SCLY: variants seen among roughly 807,000 people sequenced by gnomAD.
The protein encoded by SCLY is selenocysteine lyase, also known as putative selenocysteine lyase.
SCLY carries 38 observed loss-of-function variants against 50.1 expected under a neutral mutation model. The observed-to-expected ratio is 0.76, with a 90% CI of 0.59 to 0.99. The LOEUF is 0.99. Among genes scored for constraint, SCLY ranks in the 50% least tolerant of loss-of-function variants. SCLY has a pLI of 0.00. For missense variants in SCLY, 600 were observed against 620.0 expected, an observed-to-expected ratio of 0.97 and a Z score of 0.34; for synonymous variants, 243 against 249.4, an observed-to-expected ratio of 0.97 and a Z score of 0.24.
chr2:238,081,851 G>T lies in SCLY; in HGVS notation c.612+15G>T. 1 of 1,612,250 alleles carries T rather than the reference G, an allele frequency of 6.2e-7. No homozygotes were observed. ...GCATTGTCATGGTGAGTCGGCCTTTGTTTCTCTTTAAGGAGAGCTCATGGG... is the reference window on the plus strand; with the variant it reads ...GCATTGTCATGGTGAGTCGGCCTTTTTTTCTCTTTAAGGAGAGCTCATGGG... On this transcript the variant is annotated intron_variant, in intron 5 of 11. Coordinates refer to ENST00000254663, the MANE Select transcript of SCLY (RefSeq NM_016510.7).
rs116634088 is a variant in SCLY at position 238,069,878 on chromosome 2, G to T, written c.484+401G>T. The T allele has an allele frequency of 8.4e-3, 1,333 of 158,084 alleles. 12 individuals are homozygous for T. Among genetic ancestry groups the T allele is most frequent in the African/African-American group, 0.03 (1,255 of 41,774 alleles). 9.8% of individuals were successfully genotyped at this position (158,084 alleles called of 1,614,324 possible). On this transcript the variant is annotated intron_variant, in intron 4 of 11. Coordinates refer to ENST00000254663, the MANE Select transcript of SCLY (RefSeq NM_016510.7). The surrounding 1 kb of genome is among the most constrained non-coding windows in gnomAD (Gnocchi z 5.0). ...AGGCAAATGATGCTTGTCATTATTT[G>T]GTTTTCATCATAAAATCTCAGCTCC... is the stretch of plus-strand genomic sequence containing the variant.
chr2:238,094,411 T>C lies in SCLY; in HGVS notation c.1006-9T>C. ...AGCTGTCACCAAATATTTCACTTAT[T>C]TTTTTCAGGCTGAATTCGGTCAGAA... On this transcript the variant is annotated splice_polypyrimidine_tract_variant and intron_variant, in intron 9 of 11. Transcript: ENST00000254663. 1 of 1,610,932 alleles carries C rather than the reference T, an allele frequency of 6.2e-7. No individual in the cohort carries two copies. Among genetic ancestry groups the C allele is most frequent in the Non-Finnish European group, 8.5e-7 (1 of 1,178,280 alleles).
chr2:238,070,650 T>C (rs2065118945), intron 4 of SCLY, among the ~76,000 whole-genome samples: 1 of 152,120 alleles, frequency 6.6e-6, no homozygotes, highest in South Asian at 2.1e-4. Flanking sequence ...TACTCCAGCC[T>C]GGGAGACAGC....
At chr2:238,089,239 G>A (rs2065334736) in intron 7 of SCLY, among the ~76,000 whole-genome samples, 1 of 152,098 alleles carries the variant, frequency 6.6e-6, no homozygotes, top group African/African-American at 2.4e-5. Flanking sequence ...ATATAATGTG[G>A]ATGAGAAGAA....
rs542013117 is a variant in SCLY at position 238,066,384 on chromosome 2, G to A, written c.203-1681G>A. ...TTTTGACTTTGTGGACCTCCTGAGA[G>A]GGCCTTGGGGTTTTGGAAACCGCTG... On this transcript the variant is annotated intron_variant, in intron 2 of 11. Coordinates refer to ENST00000254663, the MANE Select transcript of SCLY (RefSeq NM_016510.7). The surrounding 1 kb of genome is among the most constrained non-coding windows in gnomAD (Gnocchi z 4.1). Among the ~76,000 whole-genome samples the A allele has an allele frequency of 4.6e-5, 7 of 151,044 alleles. No homozygotes were observed. Among genetic ancestry groups the A allele is most frequent in the African/African-American group, 1.7e-4 (7 of 40,362 alleles).
At chr2:238,084,590 CAAAAAAAAA>C (rs539648649) in intron 7 of SCLY, among the ~76,000 whole-genome samples, 1 of 44,692 alleles carries the variant, frequency 2.2e-5, no homozygotes, top group Non-Finnish European at 3.7e-5. Flanking sequence ...GACTCTGTCT[CAAAAAAAAA>C]AAAAAAAAAA....
intron 4 of SCLY, among the ~76,000 whole-genome samples, chr2:238,072,356 A>AGT (rs2065136059): frequency 6.6e-6 from 1 of 152,096 alleles, no homozygotes; most frequent in Non-Finnish European, 1.5e-5. Flanking sequence ...CGTATGTTTT[A>AGT]GTGTATTGGT....
intron 4 of SCLY, chr2:238,080,032 T>A (rs1334171098): frequency 6.6e-6 from 1 of 152,244 alleles, no homozygotes; most frequent in Non-Finnish European, 1.5e-5. Context: ...TCATGTTGAC[T>A]AAATGTATTT....
intron 7 of SCLY, among the ~76,000 whole-genome samples, chr2:238,088,745 A>ATT (rs1316732348): frequency 6.6e-6 from 1 of 152,276 alleles, no homozygotes; most frequent in East Asian, 1.9e-4. Flanking sequence ...ACTCAGAATA[A>ATT]TAGGATTAGT....
intron 11 of SCLY, 33 bp from the exon 12 acceptor site, chr2:238,098,166 TCAG>T (rs747817792): frequency 2.1e-5 from 33 of 1,599,902 alleles, no homozygotes; most frequent in African/African-American, 5.4e-5. Context: ...CCATGTGCCC[TCAG>T]CAGCAGCTGC....
chr2:238,073,692 C>A, intron 4 of SCLY: 1 of 460,924 alleles, frequency 2.2e-6, no homozygotes, highest in Non-Finnish European at 4.5e-6. Flanking sequence ...TGGGTTTGAA[C>A]TCTGTGGGTC....
At position 238,083,433 on chromosome 2, in the gene SCLY, C is replaced by G; in HGVS notation, c.884+79C>G. ...GCAGTGACATTGTAAAGAAACATGG[C>G]GCTGTTTCTTGGTCTCGTGGAGGCT... On this transcript the variant is annotated intron_variant, in intron 7 of 11. Coordinates refer to ENST00000254663, the MANE Select transcript of SCLY (RefSeq NM_016510.7). The surrounding 1 kb of genome is among the most constrained non-coding windows in gnomAD (Gnocchi z 4.3). The G allele has an allele frequency of 1.8e-6, 2 of 1,106,740 alleles. No homozygotes were observed. The highest frequency in any genetic ancestry group is 2.8e-6 in the Non-Finnish European group (2 of 720,942). The allele number at this position is 1,106,740 out of a possible 1,614,324, so 68.6% of individuals were successfully genotyped here.
chr2:238,061,386 G>A (rs1296458657), intron 1 of SCLY: 1 of 673,558 alleles, frequency 1.5e-6, no homozygotes, highest in Non-Finnish European at 2.8e-6. Flanking sequence ...ACTTCCAGGG[G>A]TGAGGTTTGC....
intron 1 of SCLY, 129 bp from the exon 2 acceptor site, chr2:238,064,228 T>G: frequency 2.0e-6 from 1 of 490,370 alleles, no homozygotes; most frequent in South Asian, 3.4e-5. Context: ...ATGCCTGCAG[T>G]GCTTATGCAG....
rs2065091136 is a variant in SCLY at position 238,068,133 on chromosome 2, C to T, written c.271C>T (p.Gln91Ter). ...CGCGAAGATGATAGGGGGGAAACCTCAAGATATAATCTTCACTTCCGGGGG... is the reference window on the plus strand; with the variant it reads ...CGCGAAGATGATAGGGGGGAAACCTTAAGATATAATCTTCACTTCCGGGGG... ...SLAKMIGGKP[Q>*]DIIFTSGGTE... is the part of the protein sequence containing the mutation. The change falls in exon 3 of 12, where the codon CAA becomes TAA. Residue 91 changes from glutamine to a stop codon, truncating the protein, a stop_gained. Transcript: ENST00000254663. LOFTEE classifies it high-confidence loss of function. The T allele has an allele frequency of 6.2e-7, 1 of 1,610,976 alleles. No homozygotes were observed. Among genetic ancestry groups the T allele is most frequent in the South Asian group, 1.1e-5 (1 of 90,286 alleles).
rs1044639994 is a variant in SCLY, at chr2:238,087,936, A to T, written c.885-3282A>T. Among the ~76,000 whole-genome samples, 5 of 152,074 alleles carry T rather than the reference A, an allele frequency of 3.3e-5. 1 individual carries two copies. The highest frequency in any genetic ancestry group is 1.2e-4 in the African/African-American group (5 of 41,386). On this transcript the variant is annotated intron_variant, in intron 7 of 11. Transcript: ENST00000254663. ...ATAGTGAGACCCCTCTACAAAAAATAAAAAAATTAACTGGGCATGGTGGTA... is the reference window on the plus strand; with the variant it reads ...ATAGTGAGACCCCTCTACAAAAAATTAAAAAATTAACTGGGCATGGTGGTA...
intron 7 of SCLY, among the ~76,000 whole-genome samples, chr2:238,089,463 C>T (rs1574712182): frequency 1.3e-5 from 2 of 152,252 alleles, no homozygotes; most frequent in African/African-American, 4.8e-5. Context: ...TGAAAGTTAG[C>T]CTTTCAACAG....
chr2:238,092,754 C>T (rs1177531195), intron 8 of SCLY: 7 of 152,882 alleles, frequency 4.6e-5, no homozygotes, highest in Non-Finnish European at 8.8e-5. Context: ...ATGCCACCAG[C>T]GCTCTAGACA....
chr2:238,094,333 G>A (rs2065402015), intron 9 of SCLY, 87 bp from the exon 10 acceptor site: 27 of 1,096,558 alleles, frequency 2.5e-5, no homozygotes, highest in Non-Finnish European at 3.6e-5. Context: ...TGCTGAAGTT[G>A]TGTTTCTGGA....
Sources: allele counts gnomAD v4.1 joint callset (sites outside exome capture counted in the v4.1 genomes callset), GRCh38; gene constraint gnomAD v4.1.1; non-coding constraint Gnocchi (gnomAD v3.1); transcripts MANE v1.5; gene names NCBI Gene and HGNC (gene_info 2026-07-23, HGNC 2026-07-21).